Variants in CYRIB observed in about 807,000 individuals in gnomAD.
The protein encoded by CYRIB is CYFIP-related Rac1 interactor B.
In CYRIB, 8 loss-of-function variants were observed where a neutral mutation model predicts 44.2. The ratio of observed to expected loss-of-function variants is 0.18; its 90% CI spans 0.11 to 0.33. The LOEUF (loss-of-function observed/expected upper bound fraction) is 0.33. CYRIB is among the 10% of genes least tolerant of loss of function. The pLI is 1.00. For missense variants in CYRIB, 185 were observed against 382.8 expected (o/e 0.48, Z 4.31); for synonymous variants, 131 against 127.2 (o/e 1.03, Z -0.20).
intron 1 of CYRIB, among the ~76,000 whole-genome samples, chr8:130,000,969 T>C (rs1417637748): frequency 6.6e-6 from 1 of 152,150 alleles, no homozygotes; most frequent in Non-Finnish European, 1.5e-5. Context: ...ATCAAACATA[T>C]GTTTGGTACC....
At chr8:129,926,600 G>C (rs2087895078) in intron 1 of CYRIB, among the ~76,000 whole-genome samples, 1 of 130,670 alleles carries the variant, frequency 7.7e-6, no homozygotes, top group African/African-American at 2.8e-5. Flanking sequence ...CCTAATAATG[G>C]GATGTGATCT....
At chr8:129,931,160 AG>A (rs1237286850) in intron 1 of CYRIB, among the ~76,000 whole-genome samples, 2 of 145,740 alleles carry the variant, frequency 1.4e-5, no homozygotes, top group Non-Finnish European at 2.9e-5. Flanking sequence ...AAAAAAAAAA[AG>A]AAAGAAAGAA....
At chr8:129,843,799 C>T (rs2130963231) in intron 11 of CYRIB, 1 of 152,284 alleles carries the variant, frequency 6.6e-6, no homozygotes, top group East Asian at 1.9e-4. Flanking sequence ...AATTTAAAAA[C>T]CGAAGAATGC....
chr8:130,010,224 A>C (rs72720361), intron 1 of CYRIB, among the ~76,000 whole-genome samples: 18,709 of 152,212 alleles, frequency 0.12, 1,742 homozygotes, highest in African/African-American at 0.27. Flanking sequence ...TAGTCCCCTG[A>C]TGAACGAAGG....
chr8:129,968,531 C>G (rs1047289032), intron 2 of CYRIB, among the ~76,000 whole-genome samples: 4 of 152,082 alleles, frequency 2.6e-5, no homozygotes, highest in African/African-American at 4.8e-5. Flanking sequence ...TATAGTTTTT[C>G]ATTGTGAACT....
At position 129,978,970 on chromosome 8, in the gene CYRIB, C is replaced by G. The variant is rs149963965; in HGVS notation, c.-295-7975G>C. On this transcript the variant is annotated intron_variant, in intron 1 of 14. Coordinates refer to the CYRIB transcript ENST00000401979. Reference sequence around the variant, plus strand: ...GGCCAACATAGTGAAACCTCCATCTCGTACTAAAAATACCAAAAAAATTAG... The same window carrying G: ...GGCCAACATAGTGAAACCTCCATCTGGTACTAAAAATACCAAAAAAATTAG... 7.9e-5 allele frequency among the ~76,000 whole-genome samples: 12 copies of G among 151,954 alleles called. No homozygotes were observed. In the East Asian group the frequency reaches 2.3e-3, roughly 29 times the overall value.
chr8:129,990,133 C>T lies in CYRIB; in HGVS notation c.-295-19138G>A, dbSNP rs80157190. Among the ~76,000 whole-genome samples, 1,047 of 152,290 alleles carry T rather than the reference C, an allele frequency of 6.9e-3. 12 individuals carry two copies. The highest frequency in any genetic ancestry group is 0.024 in the African/African-American group (1,013 of 41,562). On this transcript the variant is annotated intron_variant, in intron 1 of 14. Transcript: ENST00000401979. ...ATGAAGGCACAGTTTTCTTCTCCATCTCTTCTACTAGGCTGTGCTCTCCCT... is the reference window on the plus strand; with the variant it reads ...ATGAAGGCACAGTTTTCTTCTCCATTTCTTCTACTAGGCTGTGCTCTCCCT...
chr8:130,007,432 C>T (rs546663533), intron 1 of CYRIB, among the ~76,000 whole-genome samples: 4 of 152,290 alleles, frequency 2.6e-5, no homozygotes, highest in Admixed American at 6.5e-5. Flanking sequence ...ATCTGTAAAA[C>T]GGGAATAATA....
At chr8:129,858,061 A>G (rs1342191646) in intron 5 of CYRIB, among the ~76,000 whole-genome samples, 1 of 152,200 alleles carries the variant, frequency 6.6e-6, no homozygotes, top group African/African-American at 2.4e-5. Flanking sequence ...AAGATGATAA[A>G]TCTGCTAATC....
At position 129,865,469 on chromosome 8, in the gene CYRIB, C is replaced by T. The variant is rs192576212; in HGVS notation, c.196-3135G>A. ...ACCTTAACCCTATGTCGTGATCATA[C>T]GTAGAAAAACATGGACTCAAATAGA... On this transcript the variant is annotated intron_variant, in intron 4 of 11. Coordinates refer to ENST00000519824, the Ensembl canonical transcript of CYRIB. Among the ~76,000 whole-genome samples the T allele has an allele frequency of 4.8e-4, 73 of 152,272 alleles. No individual in the cohort carries two copies. In the South Asian group the frequency reaches 0.01, roughly 21 times the overall value.
intron 1 of CYRIB, among the ~76,000 whole-genome samples, chr8:129,908,562 A>T (rs184337186): frequency 3.1e-4 from 47 of 152,284 alleles, no homozygotes; most frequent in South Asian, 6.2e-4. Context: ...AAGTGTGTAG[A>T]TTAATGGAAA....
intron 11 of CYRIB, 75 bp downstream of exon 13, chr8:129,846,729 C>G: frequency 1.1e-6 from 1 of 914,714 alleles, no homozygotes; most frequent in Non-Finnish European, 1.7e-6. Flanking sequence ...ACACTTAATG[C>G]ATTTTCTTTA....
chr8:130,016,164 C>T (rs2097340001), intron 1 of CYRIB, among the ~76,000 whole-genome samples: 1 of 147,326 alleles, frequency 6.8e-6, no homozygotes, highest in African/African-American at 2.4e-5. Flanking sequence ...CCCCCGCGCC[C>T]GCCGGCCCGG....
chr8:129,974,908 G>A (rs1009327353), intron 1 of CYRIB, among the ~76,000 whole-genome samples: 6 of 147,544 alleles, frequency 4.1e-5, no homozygotes, highest in South Asian at 2.1e-4. Flanking sequence ...TTTTTGAGAC[G>A]GAATCTCGTT....
chr8:129,977,086 C>T (rs2095965841), intron 1 of CYRIB, among the ~76,000 whole-genome samples: 1 of 152,190 alleles, frequency 6.6e-6, no homozygotes, highest in Admixed American at 6.6e-5. Context: ...AAGTGATCCA[C>T]CCACCTCGGC....
chr8:129,928,964 G>A (rs1425925469), intron 1 of CYRIB, among the ~76,000 whole-genome samples: 2 of 152,140 alleles, frequency 1.3e-5, no homozygotes, highest in African/African-American at 4.8e-5. Context: ...GAAAACATAT[G>A]TCCACACATA....
intron 7 of CYRIB, among the ~76,000 whole-genome samples, chr8:129,854,003 G>A (rs1003958192): frequency 2.6e-5 from 4 of 152,112 alleles, no homozygotes; most frequent in Non-Finnish European, 4.4e-5. Flanking sequence ...AGAGTACATC[G>A]CGAAATTTTA....
chr8:129,890,925 T>C (rs7846077), intron 2 of CYRIB, among the ~76,000 whole-genome samples: 1,913 of 144,892 alleles, frequency 0.013, 42 homozygotes, highest in African/African-American at 0.046. Flanking sequence ...AAAGAAAAAA[T>C]AAAAGAAGAA....
chr8:129,988,379 G>C (rs1046496310), intron 1 of CYRIB, among the ~76,000 whole-genome samples: 1 of 152,172 alleles, frequency 6.6e-6, no homozygotes, highest in Non-Finnish European at 1.5e-5. Context: ...AGGCCCCGGG[G>C]AGAATCTTAC....
Sources: allele counts gnomAD v4.1 joint callset (sites outside exome capture counted in the v4.1 genomes callset), GRCh38; gene constraint gnomAD v4.1.1; transcripts MANE v1.5; gene names NCBI Gene and HGNC (gene_info 2026-07-23, HGNC 2026-07-21).